The following ANAPC4 variants were observed in gnomAD, a reference collection of about 807,000 sequenced individuals.
The protein encoded by ANAPC4 is anaphase-promoting complex subunit 4.
In ANAPC4, 63 loss-of-function variants were observed where a neutral mutation model predicts 119.8. The ratio of observed to expected loss-of-function variants is 0.53; its 90% CI spans 0.43 to 0.65. ANAPC4 has a LOEUF of 0.65. Among genes scored for constraint, ANAPC4 ranks in the 30% least tolerant of loss-of-function variants. ANAPC4 has a pLI of 0.00. For missense variants in ANAPC4, 716 were observed against 945.1 expected, an observed-to-expected ratio of 0.76 and a Z score of 3.18; for synonymous variants, 283 against 318.6, an observed-to-expected ratio of 0.89 and a Z score of 1.19.
intron 1 of ANAPC4, 30 bp downstream of exon 1, chr4:25,377,374 G>A: frequency 2.5e-6 from 4 of 1,603,438 alleles, no homozygotes; most frequent in South Asian, 1.1e-5. Context: ...TCCTCGTGGA[G>A]AGCCGGGGGC....
intron 16 of ANAPC4, among the ~76,000 whole-genome samples, chr4:25,398,229 A>G (rs1407994475): frequency 2.0e-5 from 3 of 152,134 alleles, no homozygotes; most frequent in Non-Finnish European, 4.4e-5. Flanking sequence ...AATGTCAGTA[A>G]ACATTTGTTG....
intron 11 of ANAPC4, 87 bp downstream of exon 11, chr4:25,393,978 G>T: frequency 9.1e-7 from 1 of 1,100,518 alleles, no homozygotes; most frequent in South Asian, 1.7e-5. Flanking sequence ...AAATCAGTTT[G>T]ATTCATAAAA....
intron 21 of ANAPC4, among the ~76,000 whole-genome samples, chr4:25,412,065 T>A (rs1193677606): frequency 2.6e-5 from 4 of 152,064 alleles, no homozygotes; most frequent in Non-Finnish European, 5.9e-5. Flanking sequence ...CCCAGAACCT[T>A]CCTCCCTTTC....
chr4:25,409,840 A>AC, intron 21 of ANAPC4, 49 bp downstream of exon 21: 7 of 1,371,520 alleles, frequency 5.1e-6, no homozygotes, highest in Non-Finnish European at 7.3e-6. Context: ...TTTATTTAAG[A>AC]CTAGGTCTTG....
chr4:25,380,386 C>T lies in ANAPC4; in HGVS notation c.142C>T (p.Arg48Ter), dbSNP rs1275075458. The change falls in exon 3 of 29, where the codon CGA becomes TGA. Residue 48 changes from arginine to a stop codon, truncating the protein, a stop_gained. Transcript: ENST00000315368. LOFTEE classifies it high-confidence loss of function. ...ANTAGEVLLHRLASFHRVWSF... is the reference protein window; with the variant it reads ...ANTAGEVLLH Reference sequence around the variant, plus strand: ...TGCTTTGTCTTAGGTTTTACTTCATCGACTGGCAAGTTTTCATCGAGTTTG... The same window carrying T: ...TGCTTTGTCTTAGGTTTTACTTCATTGACTGGCAAGTTTTCATCGAGTTTG... 3 of 1,611,974 alleles carry T rather than the reference C, an allele frequency of 1.9e-6. No homozygotes were observed. Among genetic ancestry groups the T allele is most frequent in the Non-Finnish European group, 8.5e-7 (1 of 1,178,880 alleles).
At chr4:25,383,512 G>C in intron 4 of ANAPC4, 119 bp downstream of exon 4, 1 of 983,518 alleles carries the variant, frequency 1.0e-6, no homozygotes, top group Non-Finnish European at 1.4e-6. Context: ...TTTGGTTTCA[G>C]TTTATCAAGA....
At position 25,383,152 on chromosome 4, in the gene ANAPC4, C is replaced by T; in HGVS notation, c.236-109C>T. 7.7e-6 allele frequency: 8 copies of T among 1,036,348 alleles called. No individual in the cohort carries two copies. In the South Asian group the frequency reaches 2.0e-4, roughly 25 times the overall value. The allele number at this position is 1,036,348 out of a possible 1,614,324, so 64.2% of individuals were successfully genotyped here. ...TGAAGGATGTTTAGGTCAAAAATTGCCATGATGAAGATGCACTTAAAAGAG... is the reference window on the plus strand; with the variant it reads ...TGAAGGATGTTTAGGTCAAAAATTGTCATGATGAAGATGCACTTAAAAGAG... On this transcript the variant is annotated intron_variant, in intron 3 of 28. Transcript: ENST00000315368.
chr4:25,399,214 A>G (rs143185167), intron 16 of ANAPC4, among the ~76,000 whole-genome samples: 396 of 152,310 alleles, frequency 2.6e-3, no homozygotes, highest in African/African-American at 9.2e-3. Flanking sequence ...ACATAACCAC[A>G]GTACAGTTAA....
Position 25,416,410 on chromosome 4 carries a change from T to G in ANAPC4, c.1902-15T>G, listed in dbSNP as rs143461882. On this transcript the variant is annotated splice_polypyrimidine_tract_variant and intron_variant, in intron 26 of 28. Transcript: ENST00000315368. ...ACGATCATCTTTGATATAACAAAACTTATTTTAATTCTAGCATCTACAGTT... is the reference window on the plus strand; with the variant it reads ...ACGATCATCTTTGATATAACAAAACGTATTTTAATTCTAGCATCTACAGTT... 5 of 1,481,960 alleles carry G rather than the reference T, an allele frequency of 3.4e-6. No individual in the cohort carries two copies. In the African/African-American group the frequency reaches 5.6e-5, roughly 17 times the overall value. The allele number at this position is 1,481,960 out of a possible 1,614,324, so 91.8% of individuals were successfully genotyped here.
At position 25,416,616 on chromosome 4, in the gene ANAPC4, C is replaced by T. The variant is rs753707936; in HGVS notation, c.2075+18C>T. On this transcript the variant is annotated intron_variant, in intron 27 of 28. Transcript: ENST00000315368. ...TCTACAAGGTAACTAGTAACATTGT[C>T]TTTCTGATATTACAGTTAAATGTTT... 49 of 1,478,580 alleles carry T rather than the reference C, an allele frequency of 3.3e-5. No individual in the cohort carries two copies. The African/African-American group carries it at 4.6e-4, about 14-fold the overall frequency. 91.6% of individuals were successfully genotyped at this position (1,478,580 alleles called of 1,614,324 possible).
intron 22 of ANAPC4, 178 bp downstream of exon 22, chr4:25,413,920 T>G (rs1203844459): frequency 7.1e-6 from 4 of 563,802 alleles, no homozygotes; most frequent in Admixed American, 3.4e-5. Context: ...CAACTTAAGT[T>G]TCTTACACAC....
rs920695944 is a variant in ANAPC4 at position 25,391,094 on chromosome 4, C to T, written c.705+79C>T. ...TATATAGGTTTTTATCCACATCTCA[C>T]TGTATTGTAATGATCATTAAAATAA... On this transcript the variant is annotated intron_variant, in intron 9 of 28. Coordinates refer to ENST00000315368, the MANE Select transcript of ANAPC4 (RefSeq NM_013367.3). 19 of 1,083,696 alleles carry T rather than the reference C, an allele frequency of 1.8e-5. No individual in the cohort carries two copies. In the African/African-American group the frequency reaches 2.4e-4, roughly 14 times the overall value. The allele number at this position is 1,083,696 out of a possible 1,614,324, so 67.1% of individuals were successfully genotyped here.
intron 3 of ANAPC4, among the ~76,000 whole-genome samples, chr4:25,381,907 A>G (rs1337542113): frequency 2.0e-5 from 3 of 151,974 alleles, no homozygotes; most frequent in Non-Finnish European, 4.4e-5. Flanking sequence ...ATATCGCACC[A>G]CTGCACTCCA....
Position 25,394,853 on chromosome 4 carries a change from A to C in ANAPC4, c.1009A>C (p.Ile337Leu). 1.2e-6 allele frequency: 2 copies of C among 1,613,612 alleles called. No individual in the cohort carries two copies. Among genetic ancestry groups the C allele is most frequent in the Non-Finnish European group, 1.7e-6 (2 of 1,179,838 alleles). Residue 337 changes from isoleucine to leucine, a missense_variant, in exon 14 of 29, where the codon ATA (isoleucine) becomes CTA (leucine). Ile to Leu is a conservative substitution (Grantham distance 5). Coordinates refer to ENST00000315368, the MANE Select transcript of ANAPC4 (RefSeq NM_013367.3). Reference sequence around the variant, plus strand: ...GGGCTTGAAAAAGCTTGGCCAGTCTATAGAGTCATCATACTCCAGTATACA... The same window carrying C: ...GGGCTTGAAAAAGCTTGGCCAGTCTCTAGAGTCATCATACTCCAGTATACA... ...VKGLKKLGQSIESSYSSIQKL... is the reference protein window; with the variant it reads ...VKGLKKLGQSLESSYSSIQKL...
Position 25,388,705 on chromosome 4 carries a change from G to A in ANAPC4, c.444-12G>A. On this transcript the variant is annotated splice_polypyrimidine_tract_variant and intron_variant, in intron 5 of 28. Transcript: ENST00000315368. Reference sequence around the variant, plus strand: ...AAGAGTATTTTTTACCTTAATCTCTGTTTCCTTCTAGCTATAGCAACACCT... The same window carrying A: ...AAGAGTATTTTTTACCTTAATCTCTATTTCCTTCTAGCTATAGCAACACCT... 5 of 1,601,828 alleles carry A rather than the reference G, an allele frequency of 3.1e-6. No homozygotes were observed. The highest frequency in any genetic ancestry group is 4.3e-6 in the Non-Finnish European group (5 of 1,173,526).
chr4:25,403,866 T>A (rs1315992380), intron 17 of ANAPC4, among the ~76,000 whole-genome samples: 1 of 152,214 alleles, frequency 6.6e-6, no homozygotes, highest in East Asian at 1.9e-4. Context: ...GTCTTTGCAT[T>A]TGGGCAGGTA....
intron 2 of ANAPC4, among the ~76,000 whole-genome samples, chr4:25,380,173 G>C (rs1721631624): frequency 6.6e-6 from 1 of 152,196 alleles, no homozygotes; most frequent in South Asian, 2.1e-4. Context: ...ATTAGGTACA[G>C]GGTTAAATTA....
Position 25,377,471 on chromosome 4 carries a change from G to C in ANAPC4, c.44G>C (p.Gly15Ala). The C allele has an allele frequency of 1.2e-6, 2 of 1,614,158 alleles. No homozygotes were observed. Among genetic ancestry groups the C allele is most frequent in the Non-Finnish European group, 1.7e-6 (2 of 1,180,014 alleles). ...TGTTTCCCATCCTTCCGGGTGGTGG[G>C]AGAGAAGCAGCTCCCGCAGGAGATT... ...PTCFPSFRVVGEKQLPQEIIF... is the reference protein window; with the variant it reads ...PTCFPSFRVVAEKQLPQEIIF... The change falls in exon 2 of 29, where the codon GGA becomes GCA. Residue 15 changes from glycine (G) to alanine (A), a missense_variant. This residue lies in a region of ANAPC4 where 202 missense variants were observed against 293.5 expected (regional missense o/e 0.69). Coordinates refer to ENST00000315368, the MANE Select transcript of ANAPC4 (RefSeq NM_013367.3).
At chr4:25,399,131 A>G (rs1722814990) in intron 16 of ANAPC4, among the ~76,000 whole-genome samples, 1 of 152,064 alleles carries the variant, frequency 6.6e-6, no homozygotes. Flanking sequence ...ATGTGAGAGT[A>G]TGTTGTTTAT....
Sources: allele counts gnomAD v4.1 joint callset (sites outside exome capture counted in the v4.1 genomes callset), GRCh38; gene constraint gnomAD v4.1.1; regional missense constraint gnomAD v4.1.1; transcripts MANE v1.5; gene names NCBI Gene and HGNC (gene_info 2026-07-23, HGNC 2026-07-21).